The following CSGALNACT1 variants were observed in gnomAD, a reference collection of about 807,000 sequenced individuals.
CSGALNACT1 encodes beta4GalNAcT-1.
A neutral mutation model predicts 51.0 loss-of-function variants in CSGALNACT1; 52 were observed. The ratio of observed to expected loss-of-function variants is 1.02; its 90% CI spans 0.82 to 1.29. The LOEUF (loss-of-function observed/expected upper bound fraction) is 1.29. Among genes scored for constraint, CSGALNACT1 ranks in the 50% most tolerant of loss-of-function variants. The pLI is 0.00. For synonymous variants in CSGALNACT1, 341 were observed against 254.4 expected (o/e 1.34, Z -3.24); for missense variants, 935 against 679.2 (o/e 1.38, Z -4.19).
At chr8:19,523,715 G>A (rs953360692) in intron 3 of CSGALNACT1, among the ~76,000 whole-genome samples, 8 of 152,130 alleles carry the variant, frequency 5.3e-5, no homozygotes, top group Non-Finnish European at 1.2e-4. Flanking sequence ...GCATGGAAGG[G>A]ACCATACCAA....
At chr8:19,667,131 A>T (rs937948303) in intron 1 of CSGALNACT1, among the ~76,000 whole-genome samples, 1 of 151,662 alleles carries the variant, frequency 6.6e-6, no homozygotes, top group African/African-American at 2.4e-5. Flanking sequence ...ATCAAAAGAC[A>T]TAATTTCAGC....
chr8:19,588,708 T>G (rs1249452795), intron 3 of CSGALNACT1, among the ~76,000 whole-genome samples: 3 of 152,194 alleles, frequency 2.0e-5, no homozygotes, highest in African/African-American at 7.2e-5. Flanking sequence ...TTTGTCAATT[T>G]TTTTGCAAGG....
intron 3 of CSGALNACT1, among the ~76,000 whole-genome samples, chr8:19,512,941 T>A (rs1034417381): frequency 3.9e-5 from 6 of 152,196 alleles, no homozygotes; most frequent in African/African-American, 1.4e-4. Flanking sequence ...CCAAGTTAAC[T>A]GAGAAGTGAT....
intron 1 of CSGALNACT1, among the ~76,000 whole-genome samples, chr8:19,636,611 C>G (rs544348846): frequency 1.3e-5 from 2 of 152,264 alleles, no homozygotes; most frequent in African/African-American, 4.8e-5. Context: ...TGAACAAGAC[C>G]TGTCTTTCCA....
chr8:19,499,380 G>A (rs1286880805), intron 4 of CSGALNACT1, among the ~76,000 whole-genome samples: 3 of 152,160 alleles, frequency 2.0e-5, no homozygotes, highest in East Asian at 3.9e-4. Context: ...TGTGTGTCTG[G>A]GGCCTAACAC....
At chr8:19,545,949 A>G (rs1268063085) in intron 3 of CSGALNACT1, among the ~76,000 whole-genome samples, 1 of 151,382 alleles carries the variant, frequency 6.6e-6, no homozygotes, top group Non-Finnish European at 1.5e-5. Flanking sequence ...AATAAAATAA[A>G]GCTCACAATT....
At chr8:19,577,401 C>CAAAAAAAAAAAAAAAAAAA (rs111734132) in intron 3 of CSGALNACT1, among the ~76,000 whole-genome samples, 12 of 104,254 alleles carry the variant, frequency 1.2e-4, no homozygotes, top group African/African-American at 3.9e-4. Context: ...CCCACCTCTA[C>CAAAAAAAAAAAAAAAAAAA]AAAAAAAAAA....
intron 5 of CSGALNACT1, among the ~76,000 whole-genome samples, chr8:19,447,192 C>T (rs978427012): frequency 3.3e-5 from 5 of 152,152 alleles, no homozygotes; most frequent in African/African-American, 4.8e-5. Context: ...GTTTCCTAAG[C>T]ACCTGCCTGG....
At chr8:19,439,794 C>T (rs1194976938) in intron 6 of CSGALNACT1, 36 bp downstream of exon 5, 1 of 1,522,828 alleles carries the variant, frequency 6.6e-7, no homozygotes, top group South Asian at 1.1e-5. Flanking sequence ...AGCTCAGTTA[C>T]CAGGATTCCT....
intron 1 of CSGALNACT1, among the ~76,000 whole-genome samples, chr8:19,694,655 C>T (rs1238863864): frequency 2.6e-5 from 4 of 152,176 alleles, no homozygotes; most frequent in African/African-American, 9.7e-5. Flanking sequence ...TAGGAAAGGG[C>T]ATGGGTTCCC....
At chr8:19,655,176 A>C (rs1326806446) in intron 1 of CSGALNACT1, among the ~76,000 whole-genome samples, 1 of 152,128 alleles carries the variant, frequency 6.6e-6, no homozygotes, top group South Asian at 2.1e-4. Flanking sequence ...TCTGTAGAAG[A>C]CATCTCTGAC....
intron 5 of CSGALNACT1, among the ~76,000 whole-genome samples, chr8:19,446,700 G>A (rs1386073216): frequency 6.6e-6 from 1 of 152,144 alleles, no homozygotes. Flanking sequence ...TTTCAGTGGA[G>A]ACAGGGTTTC....
chr8:19,729,873 C>T (rs1238937255), intron 1 of CSGALNACT1, among the ~76,000 whole-genome samples: 2 of 152,146 alleles, frequency 1.3e-5, no homozygotes, highest in African/African-American at 2.4e-5. Flanking sequence ...TTCCCATCCT[C>T]CTTTACTGGG....
chr8:19,592,897 C>T (rs1177827306), intron 2 of CSGALNACT1, among the ~76,000 whole-genome samples: 2 of 152,184 alleles, frequency 1.3e-5, no homozygotes, highest in Admixed American at 1.3e-4. Flanking sequence ...GACCATACCC[C>T]ACTACAGTGG....
chr8:19,607,565 A>T (rs543779777), intron 1 of CSGALNACT1, among the ~76,000 whole-genome samples: 79 of 152,286 alleles, frequency 5.2e-4, no homozygotes, highest in Non-Finnish European at 9.4e-4. Context: ...TTTTCCAGTA[A>T]ATCCTTCTGG....
chr8:19,493,871 TACACACACAC>T lies in CSGALNACT1; in HGVS notation c.634+11320_634+11329del, dbSNP rs57708862. Among the ~76,000 whole-genome samples, 1,350 of 149,090 alleles carry T rather than the reference TACACACACAC, an allele frequency of 9.1e-3. 22 individuals are homozygous for T. The highest frequency in any genetic ancestry group is 0.029 in the African/African-American group (1,167 of 40,574). ...CAGTATATATACGTATGTGTGTTTA[TACACACACAC>T]ACACACACACACACACACACACACA... On this transcript the variant is annotated intron_variant, in intron 4 of 9. Coordinates refer to ENST00000454498, the Ensembl canonical transcript of CSGALNACT1.
intron 1 of CSGALNACT1, among the ~76,000 whole-genome samples, chr8:19,652,601 A>G (rs1368061342): frequency 6.6e-6 from 1 of 152,100 alleles, no homozygotes; most frequent in Non-Finnish European, 1.5e-5. Context: ...AGACACCACA[A>G]AACATAATGA....
intron 4 of CSGALNACT1, among the ~76,000 whole-genome samples, chr8:19,471,557 C>T (rs1269942956): frequency 2.6e-5 from 4 of 152,118 alleles, no homozygotes; most frequent in African/African-American, 9.7e-5. Flanking sequence ...ATTCTTTCTT[C>T]TGAGGCGGCA....
intron 4 of CSGALNACT1, among the ~76,000 whole-genome samples, chr8:19,463,010 G>A (rs569842174): frequency 2.6e-5 from 4 of 152,202 alleles, no homozygotes; most frequent in South Asian, 2.1e-4. Flanking sequence ...AGTGTCTAAC[G>A]TTCCCTTCAT....
Sources: gnomAD v4.1 joint callset for allele counts (sites outside exome capture counted in the v4.1 genomes callset) on GRCh38, gnomAD v4.1.1 for gene constraint, MANE v1.5 for transcripts, NCBI Gene and HGNC (gene_info 2026-07-23, HGNC 2026-07-21) for gene names.